SRBD1: variants seen among roughly 807,000 people sequenced by gnomAD.
SRBD1 encodes the protein S1 RNA binding domain 1, also known as S1 RNA-binding domain-containing protein 1.
Under a neutral mutation model 115.3 loss-of-function variants are expected in SRBD1, and 88 were observed. That is an observed-to-expected ratio of 0.76 (90% CI 0.64 to 0.91). The LOEUF (loss-of-function observed/expected upper bound fraction) is 0.91, where lower values mean the gene tolerates loss of function less well. Among genes scored for constraint, SRBD1 ranks in the 40% least tolerant of loss-of-function variants. SRBD1 has a pLI of 0.00. For synonymous variants in SRBD1, 509 were observed against 407.7 expected, an observed-to-expected ratio of 1.25 and a Z score of -2.99; for missense variants, 1,385 against 1,177.4, an observed-to-expected ratio of 1.18 and a Z score of -2.58.
intron 16 of SRBD1, among the ~76,000 whole-genome samples, chr2:45,441,926 C>G (rs4455206): frequency 0.22 from 33,604 of 152,122 alleles, 5,957 homozygotes; most frequent in African/African-American, 0.49. Context: ...CATGCCAATA[C>G]TTTCTGGGTA....
intron 19 of SRBD1, among the ~76,000 whole-genome samples, chr2:45,403,447 A>G (rs1259950822): frequency 6.6e-6 from 1 of 152,046 alleles, no homozygotes; most frequent in Non-Finnish European, 1.5e-5. Flanking sequence ...ATCTTTCATT[A>G]TTAATTCCTA....
intron 14 of SRBD1, among the ~76,000 whole-genome samples, chr2:45,532,988 T>C (rs1294237665): frequency 6.6e-6 from 1 of 152,028 alleles, no homozygotes; most frequent in Non-Finnish European, 1.5e-5. Flanking sequence ...AGAACCAAAA[T>C]AATTCTTCAC....
intron 3 of SRBD1, 80 bp from the exon 4 acceptor site, chr2:45,599,915 G>T: frequency 7.0e-7 from 1 of 1,426,428 alleles, no homozygotes; most frequent in Non-Finnish European, 9.3e-7. Context: ...AAATAAAAGT[G>T]AACAAATTAT....
chr2:45,545,301 A>C (rs1672079493), intron 14 of SRBD1, among the ~76,000 whole-genome samples: 1 of 148,766 alleles, frequency 6.7e-6, no homozygotes, highest in East Asian at 2.0e-4. Flanking sequence ...AAAAAAAAAA[A>C]AAAAAAAAAA....
At chr2:45,467,278 G>A (rs7561623) in intron 16 of SRBD1, among the ~76,000 whole-genome samples, 18,695 of 152,184 alleles carry the variant, frequency 0.12, 1,212 homozygotes, top group East Asian at 0.19. Flanking sequence ...CCCACCCCCA[G>A]ACCAATTAAA....
intron 14 of SRBD1, among the ~76,000 whole-genome samples, chr2:45,541,311 T>C (rs570009317): frequency 1.4e-4 from 22 of 152,340 alleles, no homozygotes; most frequent in African/African-American, 5.3e-4. Flanking sequence ...GAGGGTGCCA[T>C]AGCCCTGGCT....
intron 14 of SRBD1, among the ~76,000 whole-genome samples, chr2:45,539,698 C>T (rs1671873580): frequency 6.6e-6 from 1 of 152,146 alleles, no homozygotes; most frequent in Non-Finnish European, 1.5e-5. Context: ...TGATCCCAAA[C>T]TGGTAGTATC....
intron 9 of SRBD1, among the ~76,000 whole-genome samples, chr2:45,572,131 A>G (rs1030701168): frequency 3.9e-5 from 6 of 152,174 alleles, no homozygotes; most frequent in African/African-American, 1.4e-4. Flanking sequence ...ATGCAGCAAG[A>G]GAGAAGAGAC....
intron 9 of SRBD1, among the ~76,000 whole-genome samples, chr2:45,572,614 A>C (rs1673054013): frequency 6.6e-6 from 1 of 152,128 alleles, no homozygotes; most frequent in African/African-American, 2.4e-5. Flanking sequence ...AAGCCATACA[A>C]AGAAATAAAG....
intron 14 of SRBD1, among the ~76,000 whole-genome samples, chr2:45,532,291 C>T (rs1671637317): frequency 6.6e-6 from 1 of 151,826 alleles, no homozygotes; most frequent in South Asian, 2.1e-4. Context: ...ATTTGACAGA[C>T]AGTGTTAAAT....
chr2:45,415,743 G>C (rs1351559197), intron 18 of SRBD1, among the ~76,000 whole-genome samples: 1 of 24,912 alleles, frequency 4.0e-5, no homozygotes, highest in Non-Finnish European at 7.6e-5. Context: ...GGAGACGAGA[G>C]GAGACGAGAG....
intron 19 of SRBD1, among the ~76,000 whole-genome samples, chr2:45,397,120 T>C (rs185161510): frequency 1.3e-5 from 2 of 152,260 alleles, no homozygotes; most frequent in Non-Finnish European, 2.9e-5. Flanking sequence ...ATTTTAGAAA[T>C]GAATAGGTAC....
intron 14 of SRBD1, among the ~76,000 whole-genome samples, chr2:45,507,333 C>A (rs1365773933): frequency 6.6e-6 from 1 of 152,046 alleles, no homozygotes; most frequent in Admixed American, 6.5e-5. Flanking sequence ...TGTCACTTGG[C>A]TAATGACTCT....
rs372956116 is a variant in SRBD1 at position 45,570,682 on chromosome 2, T to C, written c.1305+2525A>G. Reference sequence around the variant, plus strand: ...CAGAATTTCTATAAGAGAGCACTTTTAACGTACCCCAGTCTCCAGCTCAGC... The same window carrying C: ...CAGAATTTCTATAAGAGAGCACTTTCAACGTACCCCAGTCTCCAGCTCAGC... On this transcript the variant is annotated intron_variant, in intron 9 of 20. Coordinates refer to ENST00000263736, the MANE Select transcript of SRBD1 (RefSeq NM_018079.5). Among the ~76,000 whole-genome samples the C allele has an allele frequency of 3.9e-5, 6 of 152,312 alleles. No individual in the cohort carries two copies. The East Asian group carries it at 7.7e-4, about 20-fold the overall frequency.
chr2:45,427,915 C>A (rs539027169), intron 16 of SRBD1, among the ~76,000 whole-genome samples: 1 of 152,172 alleles, frequency 6.6e-6, no homozygotes, highest in African/African-American at 2.4e-5. Context: ...ACTTTAAAAC[C>A]CCACTGTCAA....
rs1402143339 is a variant in SRBD1, at chr2:45,562,649, A to G, written c.1409+4T>C. The G allele has an allele frequency of 6.3e-7, 1 of 1,594,534 alleles. No individual in the cohort carries two copies. The highest frequency in any genetic ancestry group is 1.4e-5 in the African/African-American group (1 of 73,628). Reference sequence around the variant, plus strand: ...GAAAATTCTGTAAATATCTGTAAACAGACCTGTTTTGGATGCACCACCTAC... The same window carrying G: ...GAAAATTCTGTAAATATCTGTAAACGGACCTGTTTTGGATGCACCACCTAC... On this transcript the variant is annotated splice_donor_region_variant and intron_variant, in intron 10 of 20. Transcript: ENST00000263736.
chr2:45,444,251 T>A (rs1668755281), intron 16 of SRBD1, among the ~76,000 whole-genome samples: 2 of 151,964 alleles, frequency 1.3e-5, no homozygotes, highest in Admixed American at 1.3e-4. Context: ...ACAAAAAAAA[T>A]TAAAAATTAC....
intron 15 of SRBD1, among the ~76,000 whole-genome samples, chr2:45,478,314 C>T (rs1365432943): frequency 6.6e-6 from 1 of 152,198 alleles, no homozygotes; most frequent in Non-Finnish European, 1.5e-5. Context: ...CTCAGATTCT[C>T]CAGTCGCTGA....
At chr2:45,472,972 G>A (rs1669695718) in intron 16 of SRBD1, among the ~76,000 whole-genome samples, 1 of 147,396 alleles carries the variant, frequency 6.8e-6, no homozygotes, top group South Asian at 2.2e-4. Flanking sequence ...TTTTTCTTTA[G>A]GAGTGTCTCT....
Sources: allele counts gnomAD v4.1 joint callset (sites outside exome capture counted in the v4.1 genomes callset), GRCh38; gene constraint gnomAD v4.1.1; transcripts MANE v1.5; gene names NCBI Gene and HGNC (gene_info 2026-07-23, HGNC 2026-07-21).